Variants in CDH12 observed in about 807,000 individuals in gnomAD.
CDH12 encodes the protein cadherin-12.
A neutral mutation model predicts 74.1 loss-of-function variants in CDH12; 41 were observed. That is an observed-to-expected ratio of 0.55 (90% CI 0.43 to 0.72). The LOEUF is 0.72. Ranked by LOEUF, CDH12 falls within the 30% of genes least tolerant of loss-of-function variation. CDH12 has a pLI of 0.00. For synonymous variants in CDH12, 399 were observed against 355.0 expected (o/e 1.12, Z -1.39); for missense variants, 945 against 977.2 (o/e 0.97, Z 0.44).
At chr5:22,095,830 A>G (rs1180261036) in intron 4 of CDH12, among the ~76,000 whole-genome samples, 1 of 145,950 alleles carries the variant, frequency 6.9e-6, no homozygotes, top group Non-Finnish European at 1.5e-5. Context: ...TCCATGCCCC[A>G]ACCTCTTATC....
intron 6 of CDH12, chr5:21,882,657 G>A (rs1480578138): frequency 7.1e-5 from 114 of 1,605,890 alleles, no homozygotes; most frequent in Non-Finnish European, 8.9e-5. Context: ...CATCTCACTC[G>A]AGCTTATGCC....
At chr5:22,053,481 C>A (rs181978350) in intron 5 of CDH12, among the ~76,000 whole-genome samples, 2 of 152,124 alleles carry the variant, frequency 1.3e-5, no homozygotes, top group African/African-American at 4.8e-5. Context: ...CAAGTGTTAT[C>A]CCGGCTATGC....
At chr5:22,417,457 C>T (rs1453741773) in intron 2 of CDH12, among the ~76,000 whole-genome samples, 1 of 152,162 alleles carries the variant, frequency 6.6e-6, no homozygotes, top group African/African-American at 2.4e-5. Context: ...TCTTTCATGC[C>T]TACTCTTTCA....
chr5:21,773,737 C>G (rs1460913805), intron 11 of CDH12, among the ~76,000 whole-genome samples: 1 of 152,152 alleles, frequency 6.6e-6, no homozygotes, highest in South Asian at 2.1e-4. Context: ...AATTCATCTA[C>G]TAAGGAATAT....
chr5:21,915,561 T>G (rs1443672640), intron 6 of CDH12, among the ~76,000 whole-genome samples: 1 of 150,992 alleles, frequency 6.6e-6, no homozygotes, highest in South Asian at 2.1e-4. Context: ...ATAGTAAGGG[T>G]TTTGAGTTTG....
At chr5:22,097,775 C>T (rs1184587171) in intron 4 of CDH12, among the ~76,000 whole-genome samples, 1 of 152,048 alleles carries the variant, frequency 6.6e-6, no homozygotes, top group Non-Finnish European at 1.5e-5. Context: ...CGATCATGTA[C>T]CCCTTTCCAC....
intron 1 of CDH12, among the ~76,000 whole-genome samples, chr5:22,564,571 A>C (rs1310205601): frequency 6.6e-6 from 1 of 151,258 alleles, no homozygotes; most frequent in Admixed American, 6.6e-5. Flanking sequence ...CTTTCTTTTA[A>C]ATTTTTTACT....
At chr5:21,775,481 G>A (rs1029683440) in intron 11 of CDH12, among the ~76,000 whole-genome samples, 1 of 152,046 alleles carries the variant, frequency 6.6e-6, no homozygotes, top group Non-Finnish European at 1.5e-5. Flanking sequence ...GTCTTTTAAG[G>A]CTCTGTTGAA....
At chr5:22,397,311 ATGTC>A (rs557768419) in intron 3 of CDH12, among the ~76,000 whole-genome samples, 2 of 152,130 alleles carry the variant, frequency 1.3e-5, no homozygotes, top group Non-Finnish European at 2.9e-5. Context: ...ATGAAAAAGA[ATGTC>A]TGTCCCATGA....
chr5:22,576,177 C>T (rs1358048748), intron 1 of CDH12, among the ~76,000 whole-genome samples: 1 of 152,178 alleles, frequency 6.6e-6, no homozygotes, highest in Non-Finnish European at 1.5e-5. Context: ...TTGAACCCTG[C>T]TTCATTCAGT....
intron 4 of CDH12, among the ~76,000 whole-genome samples, chr5:22,168,601 G>C (rs1297312868): frequency 6.6e-6 from 1 of 151,970 alleles, no homozygotes; most frequent in African/African-American, 2.4e-5. Context: ...TTAAAACTAA[G>C]AGCAAATAAG....
intron 10 of CDH12, among the ~76,000 whole-genome samples, chr5:21,801,727 A>G (rs915374837): frequency 6.6e-6 from 1 of 152,246 alleles, no homozygotes; most frequent in Non-Finnish European, 1.5e-5. Flanking sequence ...GCAAATTGCA[A>G]TAACTTTTTC....
chr5:22,662,158 T>G (rs941135973), intron 1 of CDH12, among the ~76,000 whole-genome samples: 1 of 152,160 alleles, frequency 6.6e-6, no homozygotes, highest in Non-Finnish European at 1.5e-5. Context: ...CAGTATGCAC[T>G]CCTCTGGTTT....
At chr5:22,336,421 T>A (rs1027596982) in intron 3 of CDH12, among the ~76,000 whole-genome samples, 1 of 152,010 alleles carries the variant, frequency 6.6e-6, no homozygotes, top group African/African-American at 2.4e-5. Context: ...ATGTTAGAGG[T>A]CTTCACAGCA....
At chr5:22,411,789 C>T (rs577464174) in intron 2 of CDH12, among the ~76,000 whole-genome samples, 4 of 151,916 alleles carry the variant, frequency 2.6e-5, no homozygotes, top group African/African-American at 7.2e-5. Context: ...CATAGCTTCC[C>T]GGAAAATAAT....
At chr5:21,932,936 C>T (rs1754908859) in intron 6 of CDH12, among the ~76,000 whole-genome samples, 1 of 149,442 alleles carries the variant, frequency 6.7e-6, no homozygotes, top group Admixed American at 6.8e-5. Flanking sequence ...AGTAAAATAT[C>T]CACGTACAAA....
chr5:22,022,973 C>CA (rs1290304390), intron 5 of CDH12, among the ~76,000 whole-genome samples: 4 of 152,126 alleles, frequency 2.6e-5, no homozygotes, highest in Non-Finnish European at 5.9e-5. Flanking sequence ...ACCAATCTTC[C>CA]AAAAATTTCA....
intron 1 of CDH12, among the ~76,000 whole-genome samples, chr5:22,800,269 CAT>C (rs1491267156): frequency 6.6e-6 from 1 of 152,150 alleles, no homozygotes; most frequent in African/African-American, 2.4e-5. Flanking sequence ...TAATAACAAA[CAT>C]AATGTTGCTC....
intron 1 of CDH12, among the ~76,000 whole-genome samples, chr5:22,807,159 A>C (rs1179135904): frequency 6.6e-6 from 1 of 152,206 alleles, no homozygotes; most frequent in Non-Finnish European, 1.5e-5. Flanking sequence ...AAAGGGCTAA[A>C]CAAAATTATA....
Sources: gnomAD v4.1 joint callset for allele counts (sites outside exome capture counted in the v4.1 genomes callset) on GRCh38, gnomAD v4.1.1 for gene constraint, MANE v1.5 for transcripts, NCBI Gene and HGNC (gene_info 2026-07-23, HGNC 2026-07-21) for gene names.